Variants in ATG7 observed in about 807,000 individuals in gnomAD.
The protein encoded by ATG7 is ubiquitin-like modifier-activating enzyme ATG7.
A neutral mutation model predicts 82.4 loss-of-function variants in ATG7; 70 were observed. The ratio of observed to expected loss-of-function variants is 0.85; its 90% CI spans 0.70 to 1.04. ATG7 has a LOEUF of 1.04. Among genes scored for constraint, ATG7 ranks in the 50% least tolerant of loss-of-function variants. The pLI is 0.00. For missense variants in ATG7, 792 were observed against 864.3 expected (o/e 0.92, Z 1.05); for synonymous variants, 287 against 313.0 (o/e 0.92, Z 0.88).
intron 20 of ATG7, among the ~76,000 whole-genome samples, chr3:11,449,775 C>T (rs1165018241): frequency 2.6e-5 from 4 of 152,212 alleles, no homozygotes; most frequent in Non-Finnish European, 5.9e-5. Flanking sequence ...CACTAACAGG[C>T]GCTTTGCCAT....
chr3:11,573,218 GAAAGACAGACAGAAAGAAAAGAAAT>G, the ATG7 span, among the ~76,000 whole-genome samples: 1 of 144,908 alleles, frequency 6.9e-6, no homozygotes, highest in East Asian at 2.0e-4. Context: ...GAGAGAGAGA[GAAAGACAGACAGAAAGAAAAGAAAT>G]AGAGAAAGAA....
chr3:11,467,009 A>G (rs1317368390), intron 20 of ATG7, among the ~76,000 whole-genome samples: 2 of 152,136 alleles, frequency 1.3e-5, no homozygotes, highest in Admixed American at 6.5e-5. Flanking sequence ...CTGTAATCTC[A>G]GCTGCTTTGG....
chr3:11,507,678 C>G (rs1389647770), intron 20 of ATG7, among the ~76,000 whole-genome samples: 2 of 152,092 alleles, frequency 1.3e-5, no homozygotes, highest in Non-Finnish European at 2.9e-5. Flanking sequence ...AATTTAAAGA[C>G]CAGTGAATTC....
At chr3:11,549,782 C>T (rs542165758) in intron 20 of ATG7, among the ~76,000 whole-genome samples, 1 of 152,270 alleles carries the variant, frequency 6.6e-6, no homozygotes, top group South Asian at 2.1e-4. Flanking sequence ...ACATGGTGAG[C>T]GCACACTTAA....
chr3:11,560,830 G>A (rs1285319453), downstream of ATG7, among the ~76,000 whole-genome samples: 7 of 152,290 alleles, frequency 4.6e-5, no homozygotes, highest in African/African-American at 1.4e-4. Flanking sequence ...AGAGAACCCG[G>A]GCAGGTGGAG....
intron 20 of ATG7, chr3:11,477,017 C>A: frequency 9.5e-7 from 1 of 1,054,180 alleles, no homozygotes; most frequent in Non-Finnish European, 1.3e-6. Flanking sequence ...TTTCCGATGG[C>A]AGTCATTAAA....
intron 20 of ATG7, among the ~76,000 whole-genome samples, chr3:11,548,673 C>T (rs916953916): frequency 7.2e-5 from 11 of 152,198 alleles, no homozygotes; most frequent in Non-Finnish European, 1.3e-4. Context: ...AAAGAAATCC[C>T]GGAACTGAGC....
intron 19 of ATG7, among the ~76,000 whole-genome samples, chr3:11,410,272 C>T (rs6790916): frequency 0.04 from 6,131 of 152,166 alleles, 402 homozygotes; most frequent in African/African-American, 0.14. Flanking sequence ...ATCTTGTACA[C>T]ATTTTGTTAG....
chr3:11,312,137 A>C (rs1316884619), intron 7 of ATG7, among the ~76,000 whole-genome samples: 1 of 152,072 alleles, frequency 6.6e-6, no homozygotes, highest in Non-Finnish European at 1.5e-5. Flanking sequence ...GAAACCACTA[A>C]ATTGTATACT....
At chr3:11,470,008 A>G (rs866384982) in intron 20 of ATG7, among the ~76,000 whole-genome samples, 20 of 141,150 alleles carry the variant, frequency 1.4e-4, no homozygotes, top group South Asian at 4.6e-4. Context: ...AAAAAAAAAA[A>G]AGAGAGAGAG....
Position 11,553,363 on chromosome 3 carries a change from C to T in ATG7, c.2080-1448C>T, listed in dbSNP as rs531940582. ...GGTCTACACAGCGTGTGGCACAGAGCTGGCTACATGAATGTGTGTTCGTTG... is the reference window on the plus strand; with the variant it reads ...GGTCTACACAGCGTGTGGCACAGAGTTGGCTACATGAATGTGTGTTCGTTG... On this transcript the variant is annotated intron_variant, in intron 20 of 20. Coordinates refer to ENST00000693202, the MANE Select transcript of ATG7 (RefSeq NM_001349232.2). 2.8e-4 allele frequency among the ~76,000 whole-genome samples: 43 copies of T among 152,170 alleles called. No individual in the cohort carries two copies. In the South Asian group the frequency reaches 9.0e-3, roughly 32 times the overall value.
In ATG7 at chr3:11,557,511, G is replaced by A. The variant is rs2125090139; in HGVS notation, c.*2668G>A. 1 of 152,686 alleles carries A rather than the reference G, an allele frequency of 6.5e-6. No homozygotes were observed. The highest frequency in any genetic ancestry group is 6.5e-5 in the Admixed American group (1 of 15,308). 9.5% of individuals were successfully genotyped at this position (152,686 alleles called of 1,614,324 possible). On this transcript the variant is annotated 3_prime_UTR_variant, in exon 21 of 21. Coordinates refer to ENST00000693202, the MANE Select transcript of ATG7 (RefSeq NM_001349232.2). ...AACTCCAGCATCCCACACCGCAGCT[G>A]ACCCACTGCTCATCGCGAGGGCCTG...
intron 5 of ATG7, 82 bp downstream of exon 5, chr3:11,299,498 G>A: frequency 7.0e-7 from 1 of 1,419,512 alleles, no homozygotes; most frequent in Non-Finnish European, 9.9e-7. Flanking sequence ...CCTCATAGGT[G>A]GACCACAGGA....
intron 20 of ATG7, among the ~76,000 whole-genome samples, chr3:11,527,396 G>A (rs969288301): frequency 6.6e-6 from 1 of 152,042 alleles, no homozygotes; most frequent in Non-Finnish European, 1.5e-5. Flanking sequence ...ACCACGCCTG[G>A]CCTTTTTTTC....
chr3:11,452,278 G>A (rs1361736019), intron 20 of ATG7, among the ~76,000 whole-genome samples: 2 of 151,040 alleles, frequency 1.3e-5, no homozygotes, highest in South Asian at 4.2e-4. Context: ...CCAGCTACTT[G>A]GGAGGCTGAG....
At chr3:11,379,846 G>C in intron 18 of ATG7, 126 bp from the exon 19 acceptor site, 1 of 863,842 alleles carries the variant, frequency 1.2e-6, no homozygotes, top group African/African-American at 1.7e-5. Flanking sequence ...ACTTATTTTT[G>C]CTCATAATCT....
chr3:11,291,503 G>A (rs550611096), intron 3 of ATG7, among the ~76,000 whole-genome samples: 7 of 152,304 alleles, frequency 4.6e-5, no homozygotes, highest in Admixed American at 1.3e-4. Context: ...CTCTGGGCAA[G>A]TTACTTAAGC....
At chr3:11,348,156 G>A (rs1255230700) in intron 14 of ATG7, 121 bp downstream of exon 14, 21 of 1,319,262 alleles carry the variant, frequency 1.6e-5, no homozygotes, top group Non-Finnish European at 2.0e-5. Flanking sequence ...CCAGCCACTC[G>A]CTATGTGGCT....
intron 20 of ATG7, among the ~76,000 whole-genome samples, chr3:11,483,833 A>G (rs963999245): frequency 1.3e-5 from 2 of 152,146 alleles, no homozygotes; most frequent in Non-Finnish European, 2.9e-5. Context: ...AGAACATCTT[A>G]TTGGCACAAT....
Sources: gnomAD v4.1 joint callset for allele counts (sites outside exome capture counted in the v4.1 genomes callset) on GRCh38, gnomAD v4.1.1 for gene constraint, MANE v1.5 for transcripts, NCBI Gene and HGNC (gene_info 2026-07-23, HGNC 2026-07-21) for gene names.